Variants in NOL4L observed in about 807,000 individuals in gnomAD.
NOL4L encodes nucleolar protein 4 like.
Under a neutral mutation model 64.5 loss-of-function variants are expected in NOL4L, and 7 were observed. The ratio of observed to expected loss-of-function variants is 0.11; its 90% CI spans 0.06 to 0.20. The LOEUF is 0.20. Among genes scored for constraint, NOL4L ranks in the 10% least tolerant of loss-of-function variants. The probability of loss-of-function intolerance (pLI) is 1.00; values close to 1 mark genes in which losing one functional copy is unlikely to be tolerated. For missense variants in NOL4L, 680 were observed against 967.1 expected (o/e 0.70, Z 3.94); for synonymous variants, 413 against 401.0 (o/e 1.03, Z -0.36).
At chr20:32,569,811 C>A (rs765405712) in intron 1 of NOL4L, among the ~76,000 whole-genome samples, 1 of 152,192 alleles carries the variant, frequency 6.6e-6, no homozygotes, top group African/African-American at 2.4e-5. Flanking sequence ...CCTAGCACAG[C>A]TCCTAGCAAA....
intron 5 of NOL4L, among the ~76,000 whole-genome samples, chr20:32,469,047 C>T (rs906478382): frequency 6.6e-6 from 1 of 152,154 alleles, no homozygotes; most frequent in African/African-American, 2.4e-5. Context: ...ACGATGTTTC[C>T]TGCCCTGTGG....
intron 4 of NOL4L, 158 bp downstream of exon 4, chr20:32,511,188 TC>T (rs2017385872): frequency 1.8e-6 from 1 of 560,026 alleles, no homozygotes; most frequent in African/African-American, 1.9e-5. Context: ...CATTCTTGCC[TC>T]CCGCCTCTCC....
chr20:32,462,860 G>A lies in NOL4L; in HGVS notation c.842-6465C>T, dbSNP rs575539817. Among the ~76,000 whole-genome samples the A allele has an allele frequency of 5.2e-5, 7 of 135,316 alleles. 1 individual carries two copies. The East Asian group carries it at 1.6e-3, about 31-fold the overall frequency. 88.8% of individuals were successfully genotyped at this position (135,316 alleles called of 152,430 possible). On this transcript the variant is annotated intron_variant, in intron 5 of 10. Transcript: ENST00000621426. ...GTGGAGGTTGCAGTGAGACAAGATCGCGCCATTGGACTTCAGCCTGGCGAC... is the reference window on the plus strand; with the variant it reads ...GTGGAGGTTGCAGTGAGACAAGATCACGCCATTGGACTTCAGCCTGGCGAC...
intron 1 of NOL4L, among the ~76,000 whole-genome samples, chr20:32,581,511 T>TG: frequency 6.6e-6 from 1 of 151,662 alleles, no homozygotes; most frequent in Non-Finnish European, 1.5e-5. Context: ...AGGCCCAGGG[T>TG]GGGGGCAGCC....
chr20:32,517,285 G>A (rs747924865), intron 3 of NOL4L, among the ~76,000 whole-genome samples: 9 of 152,188 alleles, frequency 5.9e-5, no homozygotes, highest in Non-Finnish European at 1.2e-4. Context: ...CCCTGTCCCC[G>A]CTCCCTCCCA....
intron 1 of NOL4L, among the ~76,000 whole-genome samples, chr20:32,561,831 C>T: frequency 6.6e-6 from 1 of 152,092 alleles, no homozygotes; most frequent in Non-Finnish European, 1.5e-5. Flanking sequence ...GTGTAAAGTA[C>T]CTAGCACATT....
chr20:32,492,015 G>A (rs1054413419), intron 4 of NOL4L, among the ~76,000 whole-genome samples: 2 of 152,216 alleles, frequency 1.3e-5, no homozygotes, highest in African/African-American at 4.8e-5. Context: ...GGAGGCTGAG[G>A]TGGGAGGATT....
chr20:32,539,648 T>C (rs2018618367), intron 1 of NOL4L, among the ~76,000 whole-genome samples: 1 of 152,208 alleles, frequency 6.6e-6, no homozygotes, highest in Non-Finnish European at 1.5e-5. Flanking sequence ...TCTCTAGATG[T>C]AAATTTCTTG....
In NOL4L at chr20:32,453,061, G is replaced by A; in HGVS notation, c.1498-55C>T. 6.2e-7 allele frequency: 1 copy of A among 1,603,896 alleles called. No homozygotes were observed. The highest frequency in any genetic ancestry group is 8.5e-7 in the Non-Finnish European group (1 of 1,177,546). ...TGGGGCCCGTGGGGGCCCTGGGCTT[G>A]TGCAGAGACCCTGCCCCAGGGGTGG... On this transcript the variant is annotated intron_variant, in intron 8 of 10. Transcript: ENST00000621426. This position sits in a 1 kb window ranked among gnomAD's most constrained non-coding sequence, Gnocchi z 5.6.
chr20:32,488,827 T>TCCTTTC (rs1315685985), intron 4 of NOL4L, among the ~76,000 whole-genome samples: 1 of 33,136 alleles, frequency 3.0e-5, no homozygotes, highest in Admixed American at 3.3e-4. Context: ...CTTTCTTTCT[T>TCCTTTC]TTTCTTTCTT....
intron 1 of NOL4L, among the ~76,000 whole-genome samples, chr20:32,549,960 A>C (rs1306906398): frequency 6.6e-6 from 1 of 152,218 alleles, no homozygotes; most frequent in Non-Finnish European, 1.5e-5. Flanking sequence ...CTTGTACATG[A>C]CTGTTCATAG....
chr20:32,485,416 GAAAAAT>G (rs1176036056), intron 4 of NOL4L: 2 of 211,162 alleles, frequency 9.5e-6, no homozygotes, highest in African/African-American at 4.6e-5. Flanking sequence ...TTACCCGTCA[GAAAAAT>G]AAAATGATGA....
At chr20:32,535,041 G>A (rs181307481) in intron 1 of NOL4L, among the ~76,000 whole-genome samples, 1 of 152,126 alleles carries the variant, frequency 6.6e-6, no homozygotes, top group African/African-American at 2.4e-5. Flanking sequence ...GAAGGAGGAG[G>A]TGGAGAGGAA....
Position 32,564,113 on chromosome 20 carries a change from C to A in NOL4L, c.321+20457G>T, listed in dbSNP as rs565508245. On this transcript the variant is annotated intron_variant, in intron 1 of 10. Transcript: ENST00000621426. ...AGAGCTCCCTGCCACTTGCCATCCACCACGGCGGGCCCCAGGATGTCTGTC... is the reference window on the plus strand; with the variant it reads ...AGAGCTCCCTGCCACTTGCCATCCAACACGGCGGGCCCCAGGATGTCTGTC... Among the ~76,000 whole-genome samples, 54 of 152,350 alleles carry A rather than the reference C, an allele frequency of 3.5e-4. 1 individual carries two copies. The South Asian group carries it at 0.011, about 31-fold the overall frequency.
intron 4 of NOL4L, among the ~76,000 whole-genome samples, chr20:32,505,171 G>A (rs1432362393): frequency 6.6e-6 from 1 of 152,218 alleles, no homozygotes; most frequent in Non-Finnish European, 1.5e-5. Context: ...GTAAGTGACA[G>A]TCTCTCACAG....
At position 32,453,854 on chromosome 20, in the gene NOL4L, G is replaced by A; in HGVS notation, c.1120-93C>T. On this transcript the variant is annotated intron_variant, in intron 6 of 10. Coordinates refer to ENST00000621426, the MANE Select transcript of NOL4L (RefSeq NM_001256798.2). The surrounding 1 kb of genome is among the most constrained non-coding windows in gnomAD (Gnocchi z 5.6). ...AGGCGGTGAGCTTGGGGACCAGGGT[G>A]GCACGCATGCCCTGCTGCCACGAGA... The A allele has an allele frequency of 1.6e-6, 2 of 1,216,202 alleles. No homozygotes were observed. The highest frequency in any genetic ancestry group is 1.2e-6 in the Non-Finnish European group (1 of 865,242). 75.3% of individuals were successfully genotyped at this position (1,216,202 alleles called of 1,614,324 possible).
At chr20:32,578,676 G>A (rs1469672343) in intron 1 of NOL4L, among the ~76,000 whole-genome samples, 2 of 152,222 alleles carry the variant, frequency 1.3e-5, no homozygotes, top group African/African-American at 4.8e-5. Context: ...TGACAGCAGA[G>A]CCTTTTCCAG....
At chr20:32,457,206 T>C (rs956472524) in intron 5 of NOL4L, among the ~76,000 whole-genome samples, 1 of 152,146 alleles carries the variant, frequency 6.6e-6, no homozygotes, top group African/African-American at 2.4e-5. Context: ...GACCAGACAG[T>C]TCCAGATACA....
At chr20:32,498,429 A>G (rs2016782115) in intron 4 of NOL4L, among the ~76,000 whole-genome samples, 1 of 151,852 alleles carries the variant, frequency 6.6e-6, no homozygotes, top group South Asian at 2.1e-4. Flanking sequence ...TTAAAAAAAA[A>G]AAAAGCTTTC....
Sources: allele counts gnomAD v4.1 joint callset (sites outside exome capture counted in the v4.1 genomes callset), GRCh38; gene constraint gnomAD v4.1.1; non-coding constraint Gnocchi (gnomAD v3.1); transcripts MANE v1.5; gene names NCBI Gene and HGNC (gene_info 2026-07-23, HGNC 2026-07-21).